Variants in TAFA1 observed in about 807,000 individuals in gnomAD.
TAFA1 encodes the protein chemokine-like protein TAFA-1.
A neutral mutation model predicts 18.5 loss-of-function variants in TAFA1; 4 were observed. That is an observed-to-expected ratio of 0.22 (90% CI 0.11 to 0.49). TAFA1 has a LOEUF of 0.49. TAFA1 is among the 20% of genes least tolerant of loss of function. The pLI is 0.98. For missense variants in TAFA1, 147 were observed against 169.0 expected (o/e 0.87, Z 0.72); for synonymous variants, 56 against 55.2 (o/e 1.01, Z -0.06).
At chr3:68,457,386 A>G (rs1195483885) in intron 3 of TAFA1, among the ~76,000 whole-genome samples, 2 of 152,200 alleles carry the variant, frequency 1.3e-5, no homozygotes, top group Non-Finnish European at 2.9e-5. Flanking sequence ...TGCATTCATG[A>G]CATAACTTTC....
chr3:68,276,124 T>A (rs940498974), intron 2 of TAFA1, among the ~76,000 whole-genome samples: 6 of 151,818 alleles, frequency 4.0e-5, no homozygotes, highest in Admixed American at 1.3e-4. Flanking sequence ...ATGTTGAAAT[T>A]CAGTCAGCCA....
chr3:68,186,435 C>G (rs961501579), intron 2 of TAFA1, among the ~76,000 whole-genome samples: 1 of 152,086 alleles, frequency 6.6e-6, no homozygotes, highest in Non-Finnish European at 1.5e-5. Flanking sequence ...AACACAACCC[C>G]TCTCTCATTG....
At chr3:68,041,976 C>T (rs939533698) in intron 2 of TAFA1, among the ~76,000 whole-genome samples, 10 of 152,230 alleles carry the variant, frequency 6.6e-5, no homozygotes, top group African/African-American at 1.2e-4. Context: ...GGACACCATC[C>T]GTGCTGTTAT....
chr3:68,301,467 A>C (rs894774918), intron 2 of TAFA1, among the ~76,000 whole-genome samples: 7 of 152,178 alleles, frequency 4.6e-5, no homozygotes, highest in African/African-American at 1.7e-4. Context: ...CTCAAGATAC[A>C]ATATGTCTCA....
At chr3:68,202,381 T>C (rs1416003819) in intron 2 of TAFA1, among the ~76,000 whole-genome samples, 4 of 151,772 alleles carry the variant, frequency 2.6e-5, no homozygotes, top group Non-Finnish European at 5.9e-5. Context: ...CTTTCATTAA[T>C]ATGTACCATA....
At position 68,234,670 on chromosome 3, in the gene TAFA1, A is replaced by C. The variant is rs764676768; in HGVS notation, c.119-182610A>C. The stretch of plus-strand genomic sequence containing the variant: ...TGCTTGGCCTTTCAAGATAGAGTCG[A>C]GTCATCACTACCCACATTTTCACTC... On this transcript the variant is annotated intron_variant, in intron 2 of 4. Transcript: ENST00000478136. Among the ~76,000 whole-genome samples, 22 of 152,200 alleles carry C rather than the reference A, an allele frequency of 1.4e-4. 1 individual carries two copies. The highest frequency in any genetic ancestry group is 4.1e-4 in the South Asian group (2 of 4,824).
chr3:68,366,120 C>T (rs1345420617), intron 2 of TAFA1, among the ~76,000 whole-genome samples: 3 of 150,730 alleles, frequency 2.0e-5, no homozygotes, highest in African/African-American at 7.3e-5. Context: ...CATCAGATCT[C>T]GTGAGACTTA....
intron 3 of TAFA1, among the ~76,000 whole-genome samples, chr3:68,518,383 G>A (rs571543950): frequency 1.5e-4 from 23 of 152,182 alleles, no homozygotes; most frequent in African/African-American, 5.5e-4. Flanking sequence ...TCATTGCCCT[G>A]ACTACATTGA....
intron 2 of TAFA1, among the ~76,000 whole-genome samples, chr3:68,012,362 T>A (rs575071475): frequency 6.6e-6 from 1 of 152,298 alleles, no homozygotes; most frequent in African/African-American, 2.4e-5. Flanking sequence ...AAAAGGGGAT[T>A]GGTAAAATAA....
At chr3:68,214,839 A>T (rs1041971306) in intron 2 of TAFA1, among the ~76,000 whole-genome samples, 2 of 152,030 alleles carry the variant, frequency 1.3e-5, no homozygotes, top group Admixed American at 6.6e-5. Context: ...TGTTTTTTAA[A>T]TAATACACAT....
rs186122078 is a variant in TAFA1 at position 68,115,477 on chromosome 3, A to G, written c.118+108733A>G. Among the ~76,000 whole-genome samples the G allele has an allele frequency of 3.1e-3, 466 of 152,314 alleles. 2 individuals carry two copies. Among genetic ancestry groups the G allele is most frequent in the African/African-American group, 0.01 (416 of 41,564 alleles). Reference sequence around the variant, plus strand: ...AGTGTAAAAGTAGAATGCTAGTACAATAGTTCTGGCATACAGACCAAATAA... The same window carrying G: ...AGTGTAAAAGTAGAATGCTAGTACAGTAGTTCTGGCATACAGACCAAATAA... On this transcript the variant is annotated intron_variant, in intron 2 of 4. Transcript: ENST00000478136.
At chr3:68,366,192 G>T (rs2069570847) in intron 2 of TAFA1, among the ~76,000 whole-genome samples, 1 of 152,094 alleles carries the variant, frequency 6.6e-6, no homozygotes, top group Non-Finnish European at 1.5e-5. Context: ...CTCCCATGGG[G>T]TCCCTCCCAC....
At chr3:68,414,800 C>T (rs1347861911) in intron 2 of TAFA1, among the ~76,000 whole-genome samples, 3 of 152,104 alleles carry the variant, frequency 2.0e-5, no homozygotes, top group Admixed American at 6.6e-5. Context: ...TCATTGTGTC[C>T]GTTGACTTGA....
chr3:68,146,416 T>C (rs1019548293), intron 2 of TAFA1, among the ~76,000 whole-genome samples: 5 of 152,086 alleles, frequency 3.3e-5, no homozygotes, highest in African/African-American at 1.2e-4. Flanking sequence ...CCACCAAAAC[T>C]TTCCTCCTCC....
At chr3:68,265,612 T>C (rs1386429515) in intron 2 of TAFA1, among the ~76,000 whole-genome samples, 1 of 152,152 alleles carries the variant, frequency 6.6e-6, no homozygotes, top group African/African-American at 2.4e-5. Context: ...CTGAACTAAC[T>C]GGGTTCACCT....
At chr3:68,064,720 A>ATT (rs75015019) in intron 2 of TAFA1, among the ~76,000 whole-genome samples, 31 of 151,162 alleles carry the variant, frequency 2.1e-4, no homozygotes, top group East Asian at 1.6e-3. Flanking sequence ...GTTTTGTGTA[A>ATT]TTTTTTTTGC....
At chr3:67,998,673 C>A in the TAFA1 span, among the ~76,000 whole-genome samples, 1 of 152,214 alleles carries the variant, frequency 6.6e-6, no homozygotes, top group Non-Finnish European at 1.5e-5. Context: ...ATAGCCCAGG[C>A]AGCCATTGGC....
intron 2 of TAFA1, among the ~76,000 whole-genome samples, chr3:68,196,896 C>A (rs139213507): frequency 0.017 from 2,590 of 151,904 alleles, 78 homozygotes; most frequent in African/African-American, 0.059. Context: ...CAGAGCCAAC[C>A]ACATCCTTCT....
At chr3:68,405,699 C>CCAAA (rs1559655011) in intron 2 of TAFA1, among the ~76,000 whole-genome samples, 5 of 32,890 alleles carry the variant, frequency 1.5e-4, no homozygotes, top group Non-Finnish European at 3.9e-4. Context: ...GACTCTATCT[C>CCAAA]AAAAAAAAAA....
Sources: allele counts gnomAD v4.1 joint callset (sites outside exome capture counted in the v4.1 genomes callset), GRCh38; gene constraint gnomAD v4.1.1; transcripts MANE v1.5; gene names NCBI Gene and HGNC (gene_info 2026-07-23, HGNC 2026-07-21).